The following TRIOBP variants were observed in gnomAD, a reference collection of about 807,000 sequenced individuals.
TRIOBP encodes the protein TRIO and F-actin-binding protein.
In TRIOBP, 169 loss-of-function variants were observed where a neutral mutation model predicts 238.8. The observed-to-expected ratio is 0.71, with a 90% CI of 0.62 to 0.80. The LOEUF (loss-of-function observed/expected upper bound fraction) is 0.80. Ranked by LOEUF, TRIOBP falls within the 30% of genes least tolerant of loss-of-function variation. The probability of loss-of-function intolerance (pLI) is 0.00; values close to 1 mark genes in which losing one functional copy is unlikely to be tolerated. For synonymous variants in TRIOBP, 1,150 were observed against 1,274.4 expected, an observed-to-expected ratio of 0.90 and a Z score of 2.08; for missense variants, 2,838 against 3,122.6, an observed-to-expected ratio of 0.91 and a Z score of 2.17.
intron 15 of TRIOBP, 116 bp downstream of exon 15, chr22:37,755,775 A>G (rs1008820393): frequency 6.1e-6 from 5 of 826,290 alleles, no homozygotes; most frequent in Non-Finnish European, 1.0e-5. Flanking sequence ...TTCTCTGTCA[A>G]CAACATGGGA....
At position 37,757,793 on chromosome 22, in the gene TRIOBP, G is replaced by C; in HGVS notation, c.5868G>C (p.Pro1956=). The C allele has an allele frequency of 3.2e-6, 5 of 1,547,840 alleles. No individual in the cohort carries two copies. In the Admixed American group the frequency reaches 9.8e-5, roughly 30 times the overall value. ...TCTCGCCGCTGACCCAGGCTTCCCC[G>C]CAGCGGGCCCGCACCCCAGCCCGCA... ...VELSPLTQAS[P]QRARTPARTP... Residue 1956 remains proline (P), a synonymous_variant, in exon 16 of 24, where the codon CCG becomes CCC. Coordinates refer to ENST00000644935, the MANE Select transcript of TRIOBP (RefSeq NM_001039141.3).
At chr22:37,765,877 C>G in intron 18 of TRIOBP, 60 bp downstream of exon 18, 1 of 1,526,922 alleles carries the variant, frequency 6.5e-7, no homozygotes, top group Non-Finnish European at 8.8e-7. Context: ...TGAGGTTCCT[C>G]CTAGCCAAAC....
rs182695351 is a variant in TRIOBP at position 37,706,499 on chromosome 22, C to G, written c.115-3928C>G. On this transcript the variant is annotated intron_variant, in intron 3 of 23. Transcript: ENST00000644935. ...CAGGAGCCAAGACCAGAGATGGTTTCAAGAGAGGGGGCCAGGCACAATGGC... is the reference window on the plus strand; with the variant it reads ...CAGGAGCCAAGACCAGAGATGGTTTGAAGAGAGGGGGCCAGGCACAATGGC... Among the ~76,000 whole-genome samples, 14 of 152,198 alleles carry G rather than the reference C, an allele frequency of 9.2e-5. No homozygotes were observed. The East Asian group carries it at 2.1e-3, about 23-fold the overall frequency.
At chr22:37,705,470 G>A (rs552200559) in intron 3 of TRIOBP, among the ~76,000 whole-genome samples, 2 of 152,220 alleles carry the variant, frequency 1.3e-5, no homozygotes, top group East Asian at 3.9e-4. Flanking sequence ...GGGGCACAGA[G>A]GAGCTATAGG....
rs962246149 is a variant in TRIOBP at position 37,757,638 on chromosome 22, G to A, written c.5713G>A (p.Ala1905Thr). The A allele has an allele frequency of 6.9e-6, 11 of 1,588,964 alleles. No individual in the cohort carries two copies. The African/African-American group carries it at 8.1e-5, about 12-fold the overall frequency. Residue 1905 changes from alanine to threonine, a missense_variant, in exon 16 of 24, where the codon GCG (alanine) becomes ACG (threonine). Coordinates refer to ENST00000644935, the MANE Select transcript of TRIOBP (RefSeq NM_001039141.3). ...TKLSDSNKENALHSYSTQKGP... is the reference protein window; with the variant it reads ...TKLSDSNKENTLHSYSTQKGP... ...GCTCTCGGACTCTAACAAGGAGAAC[G>A]CGCTGCACAGCTACAGCACCCAGAA...
At chr22:37,721,687 C>T (rs1047169522) in intron 6 of TRIOBP, among the ~76,000 whole-genome samples, 1 of 152,008 alleles carries the variant, frequency 6.6e-6, no homozygotes, top group Non-Finnish European at 1.5e-5. Flanking sequence ...CGCCATGTTG[C>T]CTAGGCTGGT....
chr22:37,717,354 A>G (rs377449354), intron 6 of TRIOBP, among the ~76,000 whole-genome samples: 21 of 152,244 alleles, frequency 1.4e-4, no homozygotes, highest in African/African-American at 5.1e-4. Flanking sequence ...AAGCTTCCAC[A>G]GCATGGAAGA....
Position 37,740,926 on chromosome 22 carries a change from G to T in TRIOBP, c.5216G>T (p.Gly1739Val). 6.4e-7 allele frequency: 1 copy of T among 1,573,384 alleles called. No individual in the cohort carries two copies. Among genetic ancestry groups the T allele is most frequent in the East Asian group, 2.3e-5 (1 of 43,356 alleles). The stretch of plus-strand genomic sequence containing the variant: ...AAGAGGCCAGCAGAGGGCAAGGCTG[G>T]GAGCCCGCTCAAGGGCCGACTGGTG... ...ADKRPAEGKA[G>V]SPLKGRLVTS... The change falls in exon 11 of 24, where the codon GGG becomes GTG. Residue 1739 changes from glycine to valine, a missense_variant. Coordinates refer to ENST00000644935, the MANE Select transcript of TRIOBP (RefSeq NM_001039141.3).
Position 37,765,882 on chromosome 22 carries a change from C to A in TRIOBP, c.6472+65C>A, listed in dbSNP as rs1039035497. ...GCCTCTGTGCTGAGGTTCCTCCTAGCCAAACTGGGGAGGATTTTATCAAAT... is the reference window on the plus strand; with the variant it reads ...GCCTCTGTGCTGAGGTTCCTCCTAGACAAACTGGGGAGGATTTTATCAAAT... On this transcript the variant is annotated intron_variant, in intron 18 of 23. Coordinates refer to ENST00000644935, the MANE Select transcript of TRIOBP (RefSeq NM_001039141.3). The A allele has an allele frequency of 4.6e-6, 7 of 1,516,450 alleles. No homozygotes were observed. The Admixed American group carries it at 1.2e-4, about 26-fold the overall frequency. 93.9% of individuals were successfully genotyped at this position (1,516,450 alleles called of 1,614,324 possible). A position where few individuals can be genotyped will look rare whatever the true frequency, so the allele number is the denominator to read the frequency against.
At chr22:37,750,548 G>T in intron 11 of TRIOBP, 1 of 439,052 alleles carries the variant, frequency 2.3e-6, no homozygotes, top group Non-Finnish European at 4.9e-6. Flanking sequence ...CGTCTCAGGT[G>T]GAAGACGGGG....
chr22:37,769,511 T>C (rs2145882309), intron 21 of TRIOBP, 136 bp downstream of exon 21: 1 of 826,798 alleles, frequency 1.2e-6, no homozygotes, highest in South Asian at 1.4e-5. Context: ...CTGACTAGGC[T>C]AGAACACCTA....
At chr22:37,762,352 A>G (rs1185545529) in intron 17 of TRIOBP, among the ~76,000 whole-genome samples, 1 of 152,174 alleles carries the variant, frequency 6.6e-6, no homozygotes, top group African/African-American at 2.4e-5. Flanking sequence ...AAGTGTGACC[A>G]CTGCACTGGC....
At chr22:37,762,770 C>T (rs774792361) in intron 17 of TRIOBP, among the ~76,000 whole-genome samples, 14 of 152,100 alleles carry the variant, frequency 9.2e-5, no homozygotes, top group Non-Finnish European at 2.1e-4. Flanking sequence ...GATGGAAATT[C>T]GGTGGACCTG....
At position 37,725,426 on chromosome 22, in the gene TRIOBP, A is replaced by C. The variant is rs931133349; in HGVS notation, c.2870A>C (p.Gln957Pro). ...ACATCCTCTCCCAGCAGGCCAGCCC[A>C]GCATGACCCACCCCAGTCCTCCTTT... ...PQTSSPSRPAQHDPPQSSFGP... is the reference protein window; with the variant it reads ...PQTSSPSRPAPHDPPQSSFGP... The change falls in exon 7 of 24, where the codon CAG (glutamine) becomes CCG (proline). Residue 957 changes from glutamine (Q) to proline (P), a missense_variant. Gln to Pro is a moderately conservative substitution (Grantham distance 76). This residue lies in a region of TRIOBP where 2,096 missense variants were observed against 2,137.4 expected (regional missense o/e 0.98). Transcript: ENST00000644935. 5 of 1,610,506 alleles carry C rather than the reference A, an allele frequency of 3.1e-6. No individual in the cohort carries two copies. The highest frequency in any genetic ancestry group is 4.2e-6 in the Non-Finnish European group (5 of 1,177,858).
intron 11 of TRIOBP, chr22:37,751,492 G>A (rs373044065): frequency 5.6e-5 from 29 of 519,158 alleles, no homozygotes; most frequent in African/African-American, 5.4e-4. Context: ...GGGGTCGGCT[G>A]GAGAGAGGCC....
In TRIOBP at chr22:37,713,286, G is replaced by A. The variant is rs779334359; in HGVS notation, c.331G>A (p.Ala111Thr). 4 of 1,613,840 alleles carry A rather than the reference G, an allele frequency of 2.5e-6. No homozygotes were observed. The Admixed American group carries it at 5.0e-5, about 20-fold the overall frequency. ...APRSRSRELE[A>T]VPYLEGLTTS... ...CAGGAGCAGGAGCCGGGAGCTTGAG[G>A]CAGTACCCTATCTGGAGGGCCTGAC... The change falls in exon 5 of 24, where the codon GCA becomes ACA. Residue 111 changes from alanine (A) to threonine (T), a missense_variant. Coordinates refer to ENST00000644935, the MANE Select transcript of TRIOBP (RefSeq NM_001039141.3).
rs367687004 is a variant in TRIOBP at position 37,719,989 on chromosome 22, C to CACACTGCACTCACTGTTTCCCTCAT, written c.629-3196_629-3195insACACTGCACTCACTGTTTCCCTCAT. Among the ~76,000 whole-genome samples the CACACTGCACTCACTGTTTCCCTCAT allele has an allele frequency of 1.3e-3, 92 of 71,218 alleles. 16 individuals are homozygous for CACACTGCACTCACTGTTTCCCTCAT. Among genetic ancestry groups the CACACTGCACTCACTGTTTCCCTCAT allele is most frequent in the South Asian group, 2.5e-3 (4 of 1,602 alleles). The allele number at this position is 71,218 out of a possible 152,430, so 46.7% of individuals were successfully genotyped here. A position where few individuals can be genotyped will look rare whatever the true frequency, so the allele number is the denominator to read the frequency against. On this transcript the variant is annotated intron_variant, in intron 6 of 23. Coordinates refer to ENST00000644935, the MANE Select transcript of TRIOBP (RefSeq NM_001039141.3). Reference sequence around the variant, plus strand: ...ACACTGCACTCACTGTTTCACTCATCCCCCCCCGCCCTTTTTTTTTTTTTT... The same window carrying CACACTGCACTCACTGTTTCCCTCAT: ...ACACTGCACTCACTGTTTCACTCATCACACTGCACTCACTGTTTCCCTCATCCCCCCCGCCCTTTTTTTTTTTTTT...
chr22:37,739,678 G>A (rs1226015492), intron 10 of TRIOBP, among the ~76,000 whole-genome samples: 2 of 152,222 alleles, frequency 1.3e-5, no homozygotes, highest in African/African-American at 4.8e-5. Context: ...CGGCAGTGCT[G>A]TAACTTCGAG....
chr22:37,746,168 G>T, intron 11 of TRIOBP: 2 of 1,023,848 alleles, frequency 2.0e-6, no homozygotes, highest in Non-Finnish European at 2.3e-6. Flanking sequence ...TGTTTGTCTC[G>T]GCTTCCCCGC....
Sources: allele counts gnomAD v4.1 joint callset (sites outside exome capture counted in the v4.1 genomes callset), GRCh38; gene constraint gnomAD v4.1.1; regional missense constraint gnomAD v4.1.1; transcripts MANE v1.5; gene names NCBI Gene and HGNC (gene_info 2026-07-23, HGNC 2026-07-21).